STK3: variants seen among roughly 807,000 people sequenced by gnomAD.
STK3 encodes the protein serine/threonine kinase 3.
A neutral mutation model predicts 58.0 loss-of-function variants in STK3; 41 were observed. That is an observed-to-expected ratio of 0.71 (90% CI 0.55 to 0.92). The LOEUF (loss-of-function observed/expected upper bound fraction) is 0.92, where lower values mean the gene tolerates loss of function less well. STK3 is among the 40% of genes least tolerant of loss of function. The pLI is 0.00. For missense variants in STK3, 479 were observed against 602.7 expected, an observed-to-expected ratio of 0.79 and a Z score of 2.15; for synonymous variants, 170 against 191.0, an observed-to-expected ratio of 0.89 and a Z score of 0.91.
intron 10 of STK3, among the ~76,000 whole-genome samples, chr8:98,491,168 AGAG>A (rs1822657119): frequency 8.9e-5 from 10 of 111,978 alleles, no homozygotes; most frequent in Non-Finnish European, 1.8e-4. Flanking sequence ...AACACGAGAG[AGAG>A]AGAGAGAGAG....
intron 8 of STK3, among the ~76,000 whole-genome samples, chr8:98,565,647 G>A (rs1812412353): frequency 6.6e-6 from 1 of 151,986 alleles, no homozygotes; most frequent in South Asian, 2.1e-4. Flanking sequence ...CCATAAATTT[G>A]CTTTATATCA....
At chr8:98,625,331 AAG>A (rs199630507) in intron 6 of STK3, among the ~76,000 whole-genome samples, 2 of 152,278 alleles carry the variant, frequency 1.3e-5, no homozygotes, top group East Asian at 3.9e-4. Context: ...AGTAAAGATC[AAG>A]AAAGGCAGTA....
At chr8:98,691,254 AT>A (rs1269639315) in intron 6 of STK3, among the ~76,000 whole-genome samples, 3 of 152,264 alleles carry the variant, frequency 2.0e-5, no homozygotes, top group Non-Finnish European at 4.4e-5. Context: ...TTTTTAAAAA[AT>A]AATTTCCAAA....
chr8:98,464,540 T>TAA, intron 10 of STK3, among the ~76,000 whole-genome samples: 2,531 of 69,078 alleles, frequency 0.037, 48 homozygotes, highest in Non-Finnish European at 0.049. Flanking sequence ...TACTTAAAGT[T>TAA]AAAAAAAAAA....
chr8:98,552,270 A>AAG (rs1811229798), intron 8 of STK3, among the ~76,000 whole-genome samples: 5 of 152,182 alleles, frequency 3.3e-5, no homozygotes, highest in Admixed American at 6.5e-5. Flanking sequence ...TGCCCCTTTT[A>AAG]GTCTCACTCA....
rs375400318 is a variant in STK3 at position 98,936,720 on chromosome 8, C to T, written c.-79+5658G>A. 2.5e-4 allele frequency among the ~76,000 whole-genome samples: 38 copies of T among 152,344 alleles called. No homozygotes were observed. In the South Asian group the frequency reaches 7.9e-3, roughly 32 times the overall value. ...CCACGTAGGGCATTTGGATGTGTGC[C>T]TCATGGCCTGGGAGACAACTTGCAC... On this transcript the variant is annotated intron_variant, in intron 1 of 1. Transcript: ENST00000519420.
rs997310779 is a variant in STK3 at position 98,462,762 on chromosome 8, C to G, written c.1318-6762G>C. On this transcript the variant is annotated intron_variant, in intron 10 of 10. Coordinates refer to ENST00000419617, the MANE Select transcript of STK3 (RefSeq NM_006281.4). ...TTTATGTTGTTTTTCACCTTTCTCT[C>G]GTATCTCCTTTGGTAGCTTAATAAT... Among the ~76,000 whole-genome samples the G allele has an allele frequency of 2.6e-4, 39 of 152,256 alleles. 1 individual carries two copies. Among genetic ancestry groups the G allele is most frequent in the African/African-American group, 7.0e-4 (29 of 41,556 alleles).
chr8:98,692,738 C>G (rs1400746492), intron 6 of STK3, among the ~76,000 whole-genome samples: 2 of 151,840 alleles, frequency 1.3e-5, no homozygotes, highest in Non-Finnish European at 2.9e-5. Flanking sequence ...TTATATATTA[C>G]TCATTAATCC....
At chr8:98,770,223 A>C (rs758328760) in intron 2 of STK3, among the ~76,000 whole-genome samples, 1 of 152,172 alleles carries the variant, frequency 6.6e-6, no homozygotes, top group Non-Finnish European at 1.5e-5. Flanking sequence ...AGCAGCATGC[A>C]GTGGTCCTCC....
At chr8:98,824,730 T>C (rs1299624416) in intron 1 of STK3, among the ~76,000 whole-genome samples, 3 of 152,208 alleles carry the variant, frequency 2.0e-5, no homozygotes, top group African/African-American at 7.2e-5. Context: ...GAACACACCT[T>C]TCATCTAAAG....
At chr8:98,625,989 G>C (rs1275049527) in intron 6 of STK3, among the ~76,000 whole-genome samples, 1 of 152,150 alleles carries the variant, frequency 6.6e-6, no homozygotes, top group African/African-American at 2.4e-5. Context: ...ACCACGTCAT[G>C]GTAATGACTC....
At chr8:98,742,800 G>T (rs888793665) in intron 4 of STK3, among the ~76,000 whole-genome samples, 11 of 151,976 alleles carry the variant, frequency 7.2e-5, no homozygotes, top group African/African-American at 2.2e-4. Flanking sequence ...GTCCCTGTTT[G>T]CAGATGACAT....
At chr8:98,597,420 C>T (rs1026205225) in intron 6 of STK3, 1 of 984,994 alleles carries the variant, frequency 1.0e-6, no homozygotes, top group African/African-American at 1.7e-5. Flanking sequence ...TCATGTTATA[C>T]ATATTACATC....
At chr8:98,418,754 T>C (rs145305708) in intron 3 of STK3, among the ~76,000 whole-genome samples, 19 of 152,042 alleles carry the variant, frequency 1.2e-4, no homozygotes, top group African/African-American at 3.1e-4. Context: ...TGGAGCAGGG[T>C]CCTTGAGCTT....
intron 6 of STK3, among the ~76,000 whole-genome samples, chr8:98,621,973 A>G (rs1818362306): frequency 2.0e-5 from 3 of 152,016 alleles, no homozygotes; most frequent in African/African-American, 7.2e-5. Flanking sequence ...TACAAAAAAA[A>G]AAATCAGACA....
intron 10 of STK3, among the ~76,000 whole-genome samples, chr8:98,509,379 T>C (rs569132394): frequency 1.8e-4 from 27 of 152,182 alleles, no homozygotes; most frequent in African/African-American, 6.5e-4. Context: ...TTTAAAAATC[T>C]AGATTCACAG....
intron 1 of STK3, among the ~76,000 whole-genome samples, chr8:98,382,563 G>A (rs1459804279): frequency 6.6e-6 from 1 of 150,826 alleles, no homozygotes; most frequent in East Asian, 2.0e-4. Flanking sequence ...TCTAAGATTG[G>A]AGGCGGGGGG....
intron 9 of STK3, among the ~76,000 whole-genome samples, chr8:98,527,616 T>C (rs1408819879): frequency 6.6e-6 from 1 of 151,982 alleles, no homozygotes; most frequent in Non-Finnish European, 1.5e-5. Flanking sequence ...CAAGACCCTG[T>C]TCAAATTAAA....
At chr8:98,794,460 T>C (rs764668850) in intron 1 of STK3, among the ~76,000 whole-genome samples, 6 of 152,172 alleles carry the variant, frequency 3.9e-5, no homozygotes, top group Non-Finnish European at 8.8e-5. Flanking sequence ...TCTCCCAAGA[T>C]TGAATCAGGA....
Sources: allele counts gnomAD v4.1 joint callset (sites outside exome capture counted in the v4.1 genomes callset), GRCh38; gene constraint gnomAD v4.1.1; transcripts MANE v1.5; gene names NCBI Gene and HGNC (gene_info 2026-07-23, HGNC 2026-07-21).